DPY19L1: variants seen among roughly 807,000 people sequenced by gnomAD.
DPY19L1 encodes the protein dpy-19 like C-mannosyltransferase 1, also known as protein C-mannosyl-transferase DPY19L1.
DPY19L1 carries 35 observed loss-of-function variants against 96.9 expected under a neutral mutation model. The ratio of observed to expected loss-of-function variants is 0.36; its 90% confidence interval spans 0.28 to 0.48. The LOEUF (loss-of-function observed/expected upper bound fraction) is 0.48, where lower values mean the gene tolerates loss of function less well. Ranked by LOEUF, DPY19L1 falls within the 20% of genes least tolerant of loss-of-function variation. DPY19L1 has a pLI of 0.99. For synonymous variants in DPY19L1, 205 were observed against 252.6 expected, an observed-to-expected ratio of 0.81 and a Z score of 1.79; for missense variants, 521 against 777.9, an observed-to-expected ratio of 0.67 and a Z score of 3.93.
intron 6 of DPY19L1, among the ~76,000 whole-genome samples, chr7:35,004,961 T>C (rs1175060603): frequency 6.6e-6 from 1 of 152,152 alleles, no homozygotes; most frequent in Non-Finnish European, 1.5e-5. Flanking sequence ...CCAGAAGACC[T>C]CCTCAGATGG....
chr7:34,975,518 A>G (rs1784812884), intron 7 of DPY19L1, among the ~76,000 whole-genome samples: 1 of 152,236 alleles, frequency 6.6e-6, no homozygotes, highest in Non-Finnish European at 1.5e-5. Context: ...TACAAGGTAC[A>G]ACAGCAATGC....
chr7:34,988,566 C>T (rs1448791416), intron 7 of DPY19L1, among the ~76,000 whole-genome samples: 1 of 152,002 alleles, frequency 6.6e-6, no homozygotes, highest in African/African-American at 2.4e-5. Context: ...TAGTAACTCG[C>T]TGACTAAAAA....
At chr7:34,936,129 T>G (rs1584196856) in intron 21 of DPY19L1, among the ~76,000 whole-genome samples, 1 of 152,356 alleles carries the variant, frequency 6.6e-6, no homozygotes, top group African/African-American at 2.4e-5. Flanking sequence ...ACCCCAACTC[T>G]CAGTCTGATT....
intron 16 of DPY19L1, among the ~76,000 whole-genome samples, chr7:34,943,559 T>C (rs1012306541): frequency 1.3e-5 from 2 of 152,212 alleles, no homozygotes; most frequent in African/African-American, 2.4e-5. Flanking sequence ...TTCATGTCTT[T>C]GATAGTTAAA....
intron 1 of DPY19L1, among the ~76,000 whole-genome samples, chr7:35,030,028 A>T (rs570229447): frequency 6.6e-6 from 1 of 152,222 alleles, no homozygotes; most frequent in Non-Finnish European, 1.5e-5. Flanking sequence ...CATTTTTATA[A>T]CATTCCCATG....
chr7:35,014,084 C>T (rs1785780341), intron 3 of DPY19L1, among the ~76,000 whole-genome samples: 1 of 152,074 alleles, frequency 6.6e-6, no homozygotes, highest in Non-Finnish European at 1.5e-5. Flanking sequence ...CAAGAAATCT[C>T]AAGCCAAAAA....
intron 13 of DPY19L1, among the ~76,000 whole-genome samples, chr7:34,952,125 A>AC (rs538026987): frequency 0.029 from 2,363 of 80,724 alleles, 29 homozygotes; most frequent in Non-Finnish European, 0.042. Context: ...AAAAAAAAAG[A>AC]CCACAAAAAA....
intron 10 of DPY19L1, among the ~76,000 whole-genome samples, chr7:34,959,914 T>TATATATTTTTATATATATATATATATAA (rs1562806903): frequency 9.4e-5 from 1 of 10,616 alleles, no homozygotes; most frequent in African/African-American, 8.4e-4. Context: ...TATATATATA[T>TATATATTTTTATATATATATATATATAA]ATATATATAT....
intron 7 of DPY19L1, among the ~76,000 whole-genome samples, chr7:34,974,346 A>AATG (rs1292053316): frequency 6.6e-6 from 1 of 152,234 alleles, no homozygotes; most frequent in Non-Finnish European, 1.5e-5. Flanking sequence ...ACACTAAAAT[A>AATG]ATGATGTCTT....
intron 4 of DPY19L1, 23 bp downstream of exon 4, chr7:35,013,545 C>G: frequency 1.2e-6 from 2 of 1,600,116 alleles, no homozygotes; most frequent in Non-Finnish European, 1.7e-6. Flanking sequence ...AGTGAAAAAT[C>G]ACAATTGGAA....
intron 6 of DPY19L1, among the ~76,000 whole-genome samples, chr7:35,002,864 G>A (rs1040299646): frequency 2.0e-5 from 3 of 152,174 alleles, no homozygotes; most frequent in African/African-American, 7.2e-5. Context: ...TGCCTCCTGG[G>A]TTCACGCCAT....
At chr7:34,957,198 C>G (rs1257938764) in intron 11 of DPY19L1, among the ~76,000 whole-genome samples, 1 of 151,598 alleles carries the variant, frequency 6.6e-6, no homozygotes, top group Non-Finnish European at 1.5e-5. Context: ...GCCTGACCAA[C>G]ATGGAGAAAC....
chr7:34,961,926 C>G (rs1035557697), intron 10 of DPY19L1, among the ~76,000 whole-genome samples: 7 of 152,136 alleles, frequency 4.6e-5, no homozygotes, highest in African/African-American at 1.7e-4. Context: ...TACTGGATGC[C>G]CAAAATCCAC....
intron 7 of DPY19L1, chr7:34,988,364 G>A (rs2128671789): frequency 6.6e-6 from 1 of 151,774 alleles, no homozygotes; most frequent in African/African-American, 2.4e-5. Context: ...CAGAATCTGT[G>A]GCTCAAAGTG....
chr7:34,958,413 T>G (rs1483826974), intron 10 of DPY19L1, among the ~76,000 whole-genome samples: 1 of 152,220 alleles, frequency 6.6e-6, no homozygotes, highest in Non-Finnish European at 1.5e-5. Flanking sequence ...TACATTCTGC[T>G]TAAGAACTGG....
chr7:35,013,282 G>T (rs1785758191), intron 4 of DPY19L1, among the ~76,000 whole-genome samples: 1 of 152,138 alleles, frequency 6.6e-6, no homozygotes, highest in South Asian at 2.1e-4. Flanking sequence ...CAAATGACAT[G>T]TAAAAGTAAC....
intron 8 of DPY19L1, 97 bp downstream of exon 8, chr7:34,973,417 G>T: frequency 1.5e-6 from 1 of 648,332 alleles, no homozygotes; most frequent in Non-Finnish European, 2.3e-6. Flanking sequence ...CATCATATTG[G>T]TTAATTATTT....
intron 6 of DPY19L1, among the ~76,000 whole-genome samples, chr7:35,009,158 G>A (rs542850174): frequency 1.3e-5 from 2 of 152,244 alleles, no homozygotes; most frequent in South Asian, 4.1e-4. Context: ...TTTGACAAAT[G>A]CTTATCAAGT....
chr7:34,972,861 A>G (rs1784752401), intron 8 of DPY19L1, among the ~76,000 whole-genome samples: 1 of 152,242 alleles, frequency 6.6e-6, no homozygotes, highest in African/African-American at 2.4e-5. Context: ...ACTACTACAT[A>G]GGAGACTAAA....
Sources: allele counts gnomAD v4.1 joint callset (sites outside exome capture counted in the v4.1 genomes callset), GRCh38; gene constraint gnomAD v4.1.1; transcripts MANE v1.5; gene names NCBI Gene and HGNC (gene_info 2026-07-23, HGNC 2026-07-21).